The following EFNA5 variants were observed in gnomAD, a reference collection of about 807,000 sequenced individuals.
EFNA5 encodes ephrin-A5.
Under a neutral mutation model 22.9 loss-of-function variants are expected in EFNA5, and 5 were observed. That is an observed-to-expected ratio of 0.22 (90% CI 0.11 to 0.46). The LOEUF (loss-of-function observed/expected upper bound fraction) is 0.46. EFNA5 is among the 20% of genes least tolerant of loss of function. The pLI, the probability that EFNA5 is intolerant of heterozygous loss-of-function variation, is 0.99. For synonymous variants in EFNA5, 113 were observed against 112.2 expected (o/e 1.01, Z -0.04); for missense variants, 237 against 293.3 (o/e 0.81, Z 1.40).
chr5:107,385,279 T>C (rs955667318), intron 4 of EFNA5, among the ~76,000 whole-genome samples: 10 of 152,174 alleles, frequency 6.6e-5, no homozygotes, highest in African/African-American at 2.4e-4. Context: ...AAGGTAATTT[T>C]CCTAATGGCA....
At chr5:107,413,831 G>A (rs546708007) in intron 2 of EFNA5, among the ~76,000 whole-genome samples, 1 of 152,234 alleles carries the variant, frequency 6.6e-6, no homozygotes, top group African/African-American at 2.4e-5. Context: ...CAGAAGGAAG[G>A]ATTTATTATG....
Position 107,549,230 on chromosome 5 carries a change from C to T in EFNA5, c.125+121259G>A, listed in dbSNP as rs111712362. 9.7e-4 allele frequency among the ~76,000 whole-genome samples: 147 copies of T among 152,220 alleles called. 1 individual carries two copies. The Middle Eastern group carries it at 0.01, about 11-fold the overall frequency. ...TTTCCAGAATGCTTTATTTTTCTTT[C>T]GGATTAACAATTAATAGTGGTCAAA... On this transcript the variant is annotated intron_variant, in intron 1 of 4. Transcript: ENST00000333274.
rs543989074 is a variant in EFNA5, at chr5:107,528,068, T to C, written c.126-100559A>G. Among the ~76,000 whole-genome samples the C allele has an allele frequency of 3.9e-5, 6 of 152,282 alleles. No homozygotes were observed. The South Asian group carries it at 1.2e-3, about 32-fold the overall frequency. The stretch of plus-strand genomic sequence containing the variant: ...TGTCAAGTCACTGTTAGCACAAAAT[T>C]GCATCTCTACATTGGCACGGAGCTG... On this transcript the variant is annotated intron_variant, in intron 1 of 4. Coordinates refer to ENST00000333274, the MANE Select transcript of EFNA5 (RefSeq NM_001962.3).
Position 107,494,256 on chromosome 5 carries a change from G to A in EFNA5, c.126-66747C>T, listed in dbSNP as rs570727299. ...TGCAGGGAGGTGTGGAGGCGGAGGC[G>A]TGAGCTGCGGGCGGCTGCGGGCGGC... is the stretch of plus-strand genomic sequence containing the variant. On this transcript the variant is annotated intron_variant, in intron 1 of 4. Coordinates refer to ENST00000333274, the MANE Select transcript of EFNA5 (RefSeq NM_001962.3). Among the ~76,000 whole-genome samples the A allele has an allele frequency of 3.4e-3, 516 of 152,254 alleles. 5 individuals carry two copies. The highest frequency in any genetic ancestry group is 7.0e-3 in the South Asian group (34 of 4,828).
intron 1 of EFNA5, among the ~76,000 whole-genome samples, chr5:107,580,472 C>G (rs1328207473): frequency 6.6e-6 from 1 of 151,990 alleles, no homozygotes; most frequent in Non-Finnish European, 1.5e-5. Flanking sequence ...AACCTGTAAT[C>G]CCAGCACTTT....
At position 107,380,540 on chromosome 5, in the gene EFNA5, C is replaced by G; in HGVS notation, c.*715G>C. ...ACCTGTAGTTTTCTCTGTTTTCACA[C>G]CTGCTCTGTATTAGCATTCCACACC... On this transcript the variant is annotated 3_prime_UTR_variant, in exon 5 of 5. Coordinates refer to ENST00000333274, the MANE Select transcript of EFNA5 (RefSeq NM_001962.3). 2.9e-6 allele frequency: 1 copy of G among 350,462 alleles called. No homozygotes were observed. 21.7% of individuals were successfully genotyped at this position (350,462 alleles called of 1,614,324 possible). A position where few individuals can be genotyped will look rare whatever the true frequency, so the allele number is the denominator to read the frequency against.
chr5:107,655,907 G>A (rs533840482), intron 1 of EFNA5, among the ~76,000 whole-genome samples: 1 of 152,194 alleles, frequency 6.6e-6, no homozygotes, highest in South Asian at 2.1e-4. Context: ...TGTATAATAT[G>A]TACTAAGTTT....
chr5:107,665,407 T>C (rs1232507697), intron 1 of EFNA5, among the ~76,000 whole-genome samples: 1 of 152,228 alleles, frequency 6.6e-6, no homozygotes, highest in Non-Finnish European at 1.5e-5. Flanking sequence ...CCTCCAAACC[T>C]GATCCTCAGC....
chr5:107,495,137 G>A (rs1294144808), intron 1 of EFNA5, among the ~76,000 whole-genome samples: 1 of 152,154 alleles, frequency 6.6e-6, no homozygotes, highest in Admixed American at 6.5e-5. Flanking sequence ...CGCTGTGGAA[G>A]CTTTGTTCTT....
chr5:107,653,534 A>C (rs1307716505), intron 1 of EFNA5, among the ~76,000 whole-genome samples: 2 of 152,102 alleles, frequency 1.3e-5, no homozygotes, highest in Admixed American at 6.6e-5. Flanking sequence ...GTCAATATTT[A>C]CTTCAGTTTG....
intron 1 of EFNA5, among the ~76,000 whole-genome samples, chr5:107,458,733 T>A (rs1749759349): frequency 6.6e-6 from 1 of 152,176 alleles, no homozygotes; most frequent in African/African-American, 2.4e-5. Flanking sequence ...GCTGTCTATC[T>A]CACAACACCA....
At chr5:107,554,631 G>A (rs377176050) in intron 1 of EFNA5, among the ~76,000 whole-genome samples, 4 of 152,154 alleles carry the variant, frequency 2.6e-5, no homozygotes, top group East Asian at 3.9e-4. Context: ...GATAGGCAAA[G>A]AGAAATATCC....
In EFNA5 at chr5:107,469,950, T is replaced by C. The variant is rs138365948; in HGVS notation, c.126-42441A>G. Among the ~76,000 whole-genome samples, 551 of 152,202 alleles carry C rather than the reference T, an allele frequency of 3.6e-3. 3 individuals carry two copies. Among genetic ancestry groups the C allele is most frequent in the African/African-American group, 0.013 (535 of 41,502 alleles). The stretch of plus-strand genomic sequence containing the variant: ...GAAGAGGTGATGATTTCCTCCAAAT[T>C]AGGAGGACATTAACAATTAAGTGTT... On this transcript the variant is annotated intron_variant, in intron 1 of 4. Coordinates refer to ENST00000333274, the MANE Select transcript of EFNA5 (RefSeq NM_001962.3).
At chr5:107,598,229 T>C (rs1749514161) in intron 1 of EFNA5, among the ~76,000 whole-genome samples, 3 of 152,142 alleles carry the variant, frequency 2.0e-5, no homozygotes, top group Non-Finnish European at 4.4e-5. Context: ...AGTGTTATTA[T>C]TCACATTTTA....
chr5:107,666,412 T>C (rs1421473676), intron 1 of EFNA5, among the ~76,000 whole-genome samples: 1 of 152,166 alleles, frequency 6.6e-6, no homozygotes, highest in Admixed American at 6.5e-5. Context: ...GAATTCACAT[T>C]ACTTTCACAA....
At chr5:107,419,191 A>T (rs1026052613) in intron 2 of EFNA5, among the ~76,000 whole-genome samples, 14 of 152,228 alleles carry the variant, frequency 9.2e-5, no homozygotes, top group African/African-American at 3.4e-4. Context: ...AGAGGAAATT[A>T]CAATTAACAG....
At chr5:107,455,942 G>A (rs1400069464) in intron 1 of EFNA5, among the ~76,000 whole-genome samples, 1 of 152,148 alleles carries the variant, frequency 6.6e-6, no homozygotes, top group Admixed American at 6.6e-5. Flanking sequence ...TTCTGATTTT[G>A]AGTGCTTCCT....
intron 1 of EFNA5, among the ~76,000 whole-genome samples, chr5:107,463,435 T>C (rs1749887665): frequency 6.6e-6 from 1 of 152,124 alleles, no homozygotes; most frequent in Non-Finnish European, 1.5e-5. Flanking sequence ...AAAGATAGCA[T>C]TAGAATTAAA....
chr5:107,606,034 T>A (rs956703686), intron 1 of EFNA5, among the ~76,000 whole-genome samples: 3 of 152,182 alleles, frequency 2.0e-5, no homozygotes, highest in African/African-American at 7.2e-5. Flanking sequence ...GGACTACACT[T>A]GTGAATAGCA....
Sources: allele counts gnomAD v4.1 joint callset (sites outside exome capture counted in the v4.1 genomes callset), GRCh38; gene constraint gnomAD v4.1.1; transcripts MANE v1.5; gene names NCBI Gene and HGNC (gene_info 2026-07-23, HGNC 2026-07-21).